The following ZNF791 variants were observed in gnomAD, a reference collection of about 807,000 sequenced individuals.
ZNF791 encodes zinc finger protein 791.
A neutral mutation model predicts 11.5 loss-of-function variants in ZNF791; 4 were observed. The observed-to-expected ratio is 0.35, with a 90% confidence interval of 0.17 to 0.80. The LOEUF is 0.80. ZNF791 is among the 30% of genes least tolerant of loss of function. The pLI, the probability that ZNF791 is intolerant of heterozygous loss-of-function variation, is 0.53. For missense variants in ZNF791, 559 were observed against 699.4 expected (o/e 0.80, Z 2.26); for synonymous variants, 212 against 228.1 (o/e 0.93, Z 0.64).
chr19:12,616,310 G>T (rs1312698221), intron 1 of ZNF791, among the ~76,000 whole-genome samples: 1 of 152,132 alleles, frequency 6.6e-6, no homozygotes, highest in South Asian at 2.1e-4. Flanking sequence ...GTTCGAATTG[G>T]AGGCAGGCAT....
At chr19:12,625,741 C>T (rs1420803761) in intron 3 of ZNF791, among the ~76,000 whole-genome samples, 2 of 144,636 alleles carry the variant, frequency 1.4e-5, no homozygotes, top group African/African-American at 5.1e-5. Flanking sequence ...GCCCAGATCG[C>T]ACCACTACAC....
chr19:12,611,818 A>G (rs2145175115), intron 1 of ZNF791, among the ~76,000 whole-genome samples: 1 of 152,224 alleles, frequency 6.6e-6, no homozygotes, highest in Middle Eastern at 3.4e-3. Flanking sequence ...TTCCTGGGTA[A>G]TCTATCTTTT....
chr19:12,622,361 TTAAAAAAAATAATAAA>T (rs1454020668), intron 1 of ZNF791, among the ~76,000 whole-genome samples: 18 of 103,836 alleles, frequency 1.7e-4, no homozygotes, highest in South Asian at 2.9e-4. Flanking sequence ...AAAAAATAAA[TTAAAAAAAATAATAAA>T]TAAAAAAAAT....
Position 12,629,056 on chromosome 19 carries a change from A to C in ZNF791, c.1527A>C (p.Thr509=). The C allele has an allele frequency of 6.2e-7, 1 of 1,611,240 alleles. No individual in the cohort carries two copies. The highest frequency in any genetic ancestry group is 8.5e-7 in the Non-Finnish European group (1 of 1,179,030). The change falls in exon 4 of 4, where the codon ACA becomes ACC. Residue 509 remains threonine (T), a synonymous_variant. Transcript: ENST00000343325. The stretch of plus-strand genomic sequence containing the variant: ...GCGGGAAGGCCTTTATTTATCCCAC[A>C]AGCTTTCAAGGACACATGAGAATGC... ...KECGKAFIYP[T]SFQGHMRMHT... is the part of the protein sequence containing the mutation.
Position 12,630,481 on chromosome 19 carries a change from G to A in ZNF791, c.*1221G>A, listed in dbSNP as rs1418297849. 6.6e-6 allele frequency: 1 copy of A among 152,012 alleles called. No homozygotes were observed. The highest frequency in any genetic ancestry group is 2.4e-5 in the African/African-American group (1 of 41,394). The allele number at this position is 152,012 out of a possible 1,614,324, so 9.4% of individuals were successfully genotyped here. On this transcript the variant is annotated 3_prime_UTR_variant, in exon 4 of 4. Coordinates refer to ENST00000343325, the MANE Select transcript of ZNF791 (RefSeq NM_153358.3). ...AAAAAAAAAAAATTACAGCACAGAT[G>A]TGCAATATATACTTGATAATAAATG...
Position 12,631,168 on chromosome 19 carries a change from A to G in ZNF791, c.*1908A>G, listed in dbSNP as rs1314133818. 3 of 152,160 alleles carry G rather than the reference A, an allele frequency of 2.0e-5. No individual in the cohort carries two copies. Among genetic ancestry groups the G allele is most frequent in the Non-Finnish European group, 4.4e-5 (3 of 68,026 alleles). 9.4% of individuals were successfully genotyped at this position (152,160 alleles called of 1,614,324 possible). ...GTGTATTTTCTGTGTTTAGACTCAT[A>G]AATACTTAACATTTTGTTACAATTT... On this transcript the variant is annotated 3_prime_UTR_variant, in exon 4 of 4. Transcript: ENST00000343325.
chr19:12,614,892 C>CTTT (rs57575424), intron 1 of ZNF791, among the ~76,000 whole-genome samples: 404 of 17,548 alleles, frequency 0.023, 135 homozygotes, highest in African/African-American at 0.034. Flanking sequence ...TGCGTCCGGC[C>CTTT]TTTTTTTTTT....
chr19:12,632,795 T>G lies in ZNF791; in HGVS notation c.*3535T>G, dbSNP rs1461394025. ...AGACTCCATATCAAAAAAATTAAAT[T>G]AAAATATAATAAATTTCTTGCCGGG... On this transcript the variant is annotated 3_prime_UTR_variant, in exon 4 of 4. Coordinates refer to ENST00000343325, the MANE Select transcript of ZNF791 (RefSeq NM_153358.3). 6.7e-6 allele frequency: 1 copy of G among 149,380 alleles called. No individual in the cohort carries two copies. Among genetic ancestry groups the G allele is most frequent in the East Asian group, 2.0e-4 (1 of 5,000 alleles). The allele number at this position is 149,380 out of a possible 1,614,324, so 9.3% of individuals were successfully genotyped here.
chr19:12,625,566 C>T (rs1382455416), intron 3 of ZNF791, among the ~76,000 whole-genome samples: 1 of 151,024 alleles, frequency 6.6e-6, no homozygotes, highest in Non-Finnish European at 1.5e-5. Context: ...GGGCGGATCA[C>T]CAGAGGTCAG....
chr19:12,629,254 T>C lies in ZNF791; in HGVS notation c.1725T>C (p.Asn575=), dbSNP rs143748806. Residue 575 remains asparagine (N), a synonymous_variant, in exon 4 of 4, where the codon AAT becomes AAC. Transcript: ENST00000343325. ...TSLKKHMRMH[N]R is the part of the protein sequence containing the mutation. Reference sequence around the variant, plus strand: ...TAAAAAAACATATGAGAATGCACAATCGATAGAAACTCTATAAATGTGAGA... The same window carrying C: ...TAAAAAAACATATGAGAATGCACAACCGATAGAAACTCTATAAATGTGAGA... The C allele has an allele frequency of 1.4e-4, 211 of 1,469,602 alleles. No homozygotes were observed. The African/African-American group carries it at 2.8e-3, about 20-fold the overall frequency. The allele number at this position is 1,469,602 out of a possible 1,614,324, so 91.0% of individuals were successfully genotyped here.
Position 12,628,226 on chromosome 19 carries a change from G to T in ZNF791, c.697G>T (p.Val233Leu), listed in dbSNP as rs745530109. ...CTTCAGTTGTTCCAGTTCTATTCGA[G>T]TACACGAAAGAACTCACACTGGAGA... ...KAFSCSSSIRVHERTHTGEKP... is the reference protein window; with the variant it reads ...KAFSCSSSIRLHERTHTGEKP... The change falls in exon 4 of 4, where the codon GTA becomes TTA. Residue 233 changes from valine to leucine, a missense_variant. Coordinates refer to ENST00000343325, the MANE Select transcript of ZNF791 (RefSeq NM_153358.3). The T allele has an allele frequency of 6.2e-7, 1 of 1,613,348 alleles. No homozygotes were observed.
chr19:12,626,356 G>A (rs2023428463), intron 3 of ZNF791, among the ~76,000 whole-genome samples: 2 of 151,370 alleles, frequency 1.3e-5, no homozygotes, highest in African/African-American at 2.4e-5. Context: ...TCACTATGTT[G>A]GCCTGGATGG....
rs779103089 is a variant in ZNF791 at position 12,627,823 on chromosome 19, A to G, written c.294A>G (p.Lys98=). ...LSVTKKTAGV[K]PYECTICGKA... Reference sequence around the variant, plus strand: ...TGACGAAGAAGACTGCCGGAGTAAAACCATATGAGTGTACTATCTGTGGAA... The same window carrying G: ...TGACGAAGAAGACTGCCGGAGTAAAGCCATATGAGTGTACTATCTGTGGAA... Residue 98 remains lysine, a synonymous_variant, in exon 4 of 4, where the codon AAA becomes AAG. Coordinates refer to ENST00000343325, the MANE Select transcript of ZNF791 (RefSeq NM_153358.3). 4.3e-6 allele frequency: 7 copies of G among 1,614,128 alleles called. No homozygotes were observed. The South Asian group carries it at 7.7e-5, about 18-fold the overall frequency.
intron 1 of ZNF791, among the ~76,000 whole-genome samples, chr19:12,622,390 TA>T (rs372867409): frequency 2.8e-5 from 3 of 106,198 alleles, no homozygotes; most frequent in Admixed American, 2.2e-4. Context: ...AAAAAAATAA[TA>T]AAAAAAAGAC....
At chr19:12,616,132 A>G (rs2023242360) in intron 1 of ZNF791, among the ~76,000 whole-genome samples, 1 of 152,238 alleles carries the variant, frequency 6.6e-6, no homozygotes, top group African/African-American at 2.4e-5. Context: ...TAATAAGTGT[A>G]AAGTGATATC....
chr19:12,611,781 T>C (rs888775016), intron 1 of ZNF791, among the ~76,000 whole-genome samples: 1 of 152,170 alleles, frequency 6.6e-6, no homozygotes, highest in Non-Finnish European at 1.5e-5. Flanking sequence ...GGGAACTCCT[T>C]TGCGTTGAGG....
Position 12,622,642 on chromosome 19 carries a change from C to G in ZNF791, c.4-1058C>G, listed in dbSNP as rs1308060020. On this transcript the variant is annotated intron_variant, in intron 1 of 3. Transcript: ENST00000343325. ...GGAGGCAGTGGCTCACGCCTGTAAT[C>G]CCAGCACTTTGGGTGGCCGAGGAGG... Among the ~76,000 whole-genome samples, 3 of 151,630 alleles carry G rather than the reference C, an allele frequency of 2.0e-5. No homozygotes were observed. The East Asian group carries it at 5.8e-4, about 29-fold the overall frequency.
At chr19:12,615,486 A>T (rs1036282546) in intron 1 of ZNF791, among the ~76,000 whole-genome samples, 37 of 152,070 alleles carry the variant, frequency 2.4e-4, no homozygotes, top group Non-Finnish European at 5.1e-4. Flanking sequence ...ATATTTCATC[A>T]TAAGATTGTA....
intron 3 of ZNF791, among the ~76,000 whole-genome samples, chr19:12,624,960 G>A (rs997157884): frequency 6.6e-6 from 1 of 151,480 alleles, no homozygotes; most frequent in South Asian, 2.1e-4. Context: ...CTGAGGCAGA[G>A]AATTACTTGA....
Sources: gnomAD v4.1 joint callset for allele counts (sites outside exome capture counted in the v4.1 genomes callset) on GRCh38, gnomAD v4.1.1 for gene constraint, MANE v1.5 for transcripts, NCBI Gene and HGNC (gene_info 2026-07-23, HGNC 2026-07-21) for gene names.